The following UBXN8 variants were observed in gnomAD, a reference collection of about 807,000 sequenced individuals.
The protein encoded by UBXN8 is UBX domain-containing protein 8.
A neutral mutation model predicts 32.1 loss-of-function variants in UBXN8; 27 were observed. That is an observed-to-expected ratio of 0.84 (90% CI 0.62 to 1.16). The LOEUF is 1.16. UBXN8 is among the 50% of genes most tolerant of loss of function. The probability of loss-of-function intolerance (pLI) is 0.00; values close to 1 mark genes in which losing one functional copy is unlikely to be tolerated. For synonymous variants in UBXN8, 109 were observed against 111.8 expected (o/e 0.98, Z 0.16); for missense variants, 306 against 311.4 (o/e 0.98, Z 0.13).
At chr8:30,753,214 A>G in intron 3 of UBXN8, 109 bp downstream of exon 3, 1 of 1,321,318 alleles carries the variant, frequency 7.6e-7, no homozygotes, top group South Asian at 2.4e-5. Flanking sequence ...TTTAAAAAAT[A>G]TATAATGAGG....
At chr8:30,739,240 T>C (rs1156913248), upstream of UBXN8, among the ~76,000 whole-genome samples, 1 of 150,616 alleles carries the variant, frequency 6.6e-6, no homozygotes, top group Non-Finnish European at 1.5e-5. Context: ...GGTGATAATA[T>C]TGCATAGAAC....
At chr8:30,759,100 G>A (rs576024541) in intron 5 of UBXN8, among the ~76,000 whole-genome samples, 52 of 151,046 alleles carry the variant, frequency 3.4e-4, no homozygotes, top group Non-Finnish European at 6.9e-4. Context: ...CCATCGTGTT[G>A]GCCAGGATGG....
chr8:30,743,409 C>G (rs966051835), upstream of UBXN8, among the ~76,000 whole-genome samples: 1 of 151,878 alleles, frequency 6.6e-6, no homozygotes, highest in Non-Finnish European at 1.5e-5. Flanking sequence ...CCGCCTCGGC[C>G]TCCCAAAGTG....
Position 30,744,188 on chromosome 8 carries a change from C to G in UBXN8, c.-2C>G. 6.2e-7 allele frequency: 1 copy of G among 1,612,714 alleles called. No individual in the cohort carries two copies. Among genetic ancestry groups the G allele is most frequent in the Non-Finnish European group, 8.5e-7 (1 of 1,179,386 alleles). ...CCGCCTGCACCAGGCGCTTCCGCCA[C>G]CATGGCTTCACGTGGGGTTGTTGGC... On this transcript the variant is annotated 5_prime_UTR_variant, in exon 1 of 8. Coordinates refer to ENST00000265616, the MANE Select transcript of UBXN8 (RefSeq NM_005671.4).
rs796963982 is a variant in UBXN8, at chr8:30,761,728, G to GA, written c.570+807dup. On this transcript the variant is annotated intron_variant, in intron 6 of 7. Transcript: ENST00000265616. ...TCGCTACAAAAAGGAAAAAAAAAAGGAAAAAAAACTAGGCAAATGACTTCA... is the reference window on the plus strand; with the variant it reads ...TCGCTACAAAAAGGAAAAAAAAAAGGAAAAAAAAACTAGGCAAATGACTTCA... 2.0e-4 allele frequency among the ~76,000 whole-genome samples: 31 copies of GA among 151,900 alleles called. No individual in the cohort carries two copies. The South Asian group carries it at 5.8e-3, about 29-fold the overall frequency.
chr8:30,754,335 C>A, intron 3 of UBXN8: 2 of 423,278 alleles, frequency 4.7e-6, no homozygotes, highest in South Asian at 1.8e-5. Flanking sequence ...TGTGACAAAT[C>A]CTTGGAGTTG....
upstream of UBXN8, among the ~76,000 whole-genome samples, chr8:30,740,546 A>G (rs1300556636): frequency 1.4e-5 from 2 of 145,024 alleles, no homozygotes; most frequent in African/African-American, 5.1e-5. Context: ...CCTGGAAAAA[A>G]AAAAAAAGAA....
In UBXN8 at chr8:30,747,949, C is replaced by T. The variant is rs548865606; in HGVS notation, c.89-3447C>T. Among the ~76,000 whole-genome samples, 35 of 98,354 alleles carry T rather than the reference C, an allele frequency of 3.6e-4. 2 individuals carry two copies. In the South Asian group the frequency reaches 3.9e-3, roughly 11 times the overall value. 64.5% of individuals were successfully genotyped at this position (98,354 alleles called of 152,430 possible). On this transcript the variant is annotated intron_variant, in intron 1 of 7. Transcript: ENST00000265616. ...CTTTGGATTCTTGATAGTGAGCTTC[C>T]AATAATTATTTCTTAACAGCATTTA... is the stretch of plus-strand genomic sequence containing the variant.
At chr8:30,749,338 A>G (rs936233533) in intron 1 of UBXN8, among the ~76,000 whole-genome samples, 6 of 151,508 alleles carry the variant, frequency 4.0e-5, no homozygotes, top group Non-Finnish European at 8.8e-5. Context: ...GGTTGCAGTG[A>G]GCCAAGATTG....
In UBXN8 at chr8:30,751,450, T is replaced by G. The variant is rs1158717174; in HGVS notation, c.143T>G (p.Leu48Arg). Reference sequence around the variant, plus strand: ...CGGATTTTGCTACTGCTTGCTCTTCTTACTTTAACTATTTCTGTGACTACC... The same window carrying G: ...CGGATTTTGCTACTGCTTGCTCTTCGTACTTTAACTATTTCTGTGACTACC... The part of the protein sequence containing the change: ...CGRILLLLAL[L>R]TLTISVTTSW... Residue 48 changes from leucine to arginine, a missense_variant, in exon 2 of 8, where the codon CTT becomes CGT. Transcript: ENST00000265616. 1 of 1,609,124 alleles carries G rather than the reference T, an allele frequency of 6.2e-7. No individual in the cohort carries two copies. Among genetic ancestry groups the G allele is most frequent in the Non-Finnish European group, 8.5e-7 (1 of 1,177,242 alleles).
chr8:30,732,168 C>T (rs1804973230), upstream of UBXN8: 1 of 345,208 alleles, frequency 2.9e-6, no homozygotes, highest in East Asian at 4.4e-5. Flanking sequence ...CCCCCACCAT[C>T]TTCGGGGAGG....
upstream of UBXN8, among the ~76,000 whole-genome samples, chr8:30,731,879 C>T (rs530126035): frequency 1.3e-5 from 2 of 152,312 alleles, no homozygotes; most frequent in South Asian, 4.2e-4. Context: ...CTGCCTGTTC[C>T]CAAGCCTGGG....
At chr8:30,750,256 G>A (rs984514863) in intron 1 of UBXN8, among the ~76,000 whole-genome samples, 7 of 152,014 alleles carry the variant, frequency 4.6e-5, no homozygotes, top group African/African-American at 9.7e-5. Flanking sequence ...CAGATTGCCC[G>A]TGTTCAGGAG....
rs375298216 is a variant in UBXN8, at chr8:30,751,421, T to C, written c.114T>C (p.Cys38=). The change falls in exon 2 of 8, where the codon TGT becomes TGC. Residue 38 remains cysteine (C), a synonymous_variant. Coordinates refer to ENST00000265616, the MANE Select transcript of UBXN8 (RefSeq NM_005671.4). ...DIGIKDFLLL[C]GRILLLLALL... ...GAATCAAGGATTTTCTTTTGCTTTG[T>C]GGCCGGATTTTGCTACTGCTTGCTC... 132 of 1,596,942 alleles carry C rather than the reference T, an allele frequency of 8.3e-5. No individual in the cohort carries two copies. In the African/African-American group the frequency reaches 1.4e-3, roughly 17 times the overall value.
intron 1 of UBXN8, among the ~76,000 whole-genome samples, chr8:30,745,560 C>T (rs760382707): frequency 2.2e-4 from 33 of 152,180 alleles, no homozygotes; most frequent in South Asian, 1.0e-3. Context: ...AGAAATGTTG[C>T]GTGCAATAAG....
chr8:30,735,963 C>T (rs2128751790), intron 1 of UBXN8, among the ~76,000 whole-genome samples: 1 of 152,332 alleles, frequency 6.6e-6, no homozygotes, highest in South Asian at 2.1e-4. Context: ...CTTCTATAAA[C>T]AATTTGAGAA....
chr8:30,733,522 G>T (rs1175149226), intron 1 of UBXN8, among the ~76,000 whole-genome samples: 7 of 152,204 alleles, frequency 4.6e-5, no homozygotes, highest in Non-Finnish European at 1.0e-4. Context: ...ACCTTGGTGG[G>T]TTTGGGGAAT....
In UBXN8 at chr8:30,754,771, G is replaced by A. The variant is rs1367803681; in HGVS notation, c.389G>A (p.Ser130Asn). 1 of 1,557,124 alleles carries A rather than the reference G, an allele frequency of 6.4e-7. No individual in the cohort carries two copies. Residue 130 changes from serine to asparagine, a missense_variant, in exon 4 of 8, where the codon AGT becomes AAT. Ser to Asn is a conservative substitution (Grantham distance 46). Transcript: ENST00000265616. ...QMTGEAWKLS[S>N]GHKLGGDEGT... Reference sequence around the variant, plus strand: ...ACGGGTGAAGCCTGGAAATTAAGCAGTGGTCACAAACTTGGGGTTGGAAAA... The same window carrying A: ...ACGGGTGAAGCCTGGAAATTAAGCAATGGTCACAAACTTGGGGTTGGAAAA...
rs1263191828 is a variant in UBXN8, at chr8:30,734,599, G to A, written c.622+1291G>A. Among the ~76,000 whole-genome samples, 3 of 151,398 alleles carry A rather than the reference G, an allele frequency of 2.0e-5. No homozygotes were observed. The South Asian group carries it at 6.2e-4, about 31-fold the overall frequency. Reference sequence around the variant, plus strand: ...TGCACCACTGCACTCCAGCTTGGGTGACAGAATGAGACACTATCTCTTAAA... The same window carrying A: ...TGCACCACTGCACTCCAGCTTGGGTAACAGAATGAGACACTATCTCTTAAA... On this transcript the variant is annotated intron_variant, in intron 1 of 1. Transcript: ENST00000522968.
Sources: gnomAD v4.1 joint callset for allele counts (sites outside exome capture counted in the v4.1 genomes callset) on GRCh38, gnomAD v4.1.1 for gene constraint, MANE v1.5 for transcripts, NCBI Gene and HGNC (gene_info 2026-07-23, HGNC 2026-07-21) for gene names.